Variants in AP2A2 observed in about 807,000 individuals in gnomAD.
AP2A2 encodes the protein adaptor related protein complex 2 subunit alpha 2.
Under a neutral mutation model 104.2 loss-of-function variants are expected in AP2A2, and 32 were observed. The ratio of observed to expected loss-of-function variants is 0.31; its 90% CI spans 0.23 to 0.41. The LOEUF (loss-of-function observed/expected upper bound fraction) is 0.41, where lower values mean the gene tolerates loss of function less well. Ranked by LOEUF, AP2A2 falls within the 10% of genes least tolerant of loss-of-function variation. The probability of loss-of-function intolerance (pLI) is 1.00; values close to 1 mark genes in which losing one functional copy is unlikely to be tolerated. For synonymous variants in AP2A2, 539 were observed against 533.3 expected (o/e 1.01, Z -0.15); for missense variants, 912 against 1,261.0 (o/e 0.72, Z 4.19).
At chr11:954,811 G>C (rs1369339044) in intron 1 of AP2A2, among the ~76,000 whole-genome samples, 2 of 152,140 alleles carry the variant, frequency 1.3e-5, no homozygotes, top group Admixed American at 6.6e-5. Context: ...ACTTGTCTCT[G>C]TTTCTGTCCC....
At chr11:981,943 G>A (rs555604002) in intron 6 of AP2A2, among the ~76,000 whole-genome samples, 275 of 152,402 alleles carry the variant, frequency 1.8e-3, no homozygotes, top group African/African-American at 6.3e-3. Context: ...TTCCCCTGCC[G>A]TGCACACGGC....
chr11:1,008,291 G>A (rs528782431), intron 18 of AP2A2, 156 bp downstream of exon 18: 104 of 1,164,834 alleles, frequency 8.9e-5, no homozygotes, highest in South Asian at 2.5e-4. Context: ...TGCTGCCCCC[G>A]GCTCTGCAGA....
chr11:954,412 G>A (rs1854160570), intron 1 of AP2A2, among the ~76,000 whole-genome samples: 1 of 152,000 alleles, frequency 6.6e-6, no homozygotes, highest in Admixed American at 6.5e-5. Flanking sequence ...GTGTATTTGT[G>A]TGTGTGTATG....
At chr11:955,630 G>A (rs756519318) in intron 1 of AP2A2, among the ~76,000 whole-genome samples, 1 of 152,214 alleles carries the variant, frequency 6.6e-6, no homozygotes, top group Non-Finnish European at 1.5e-5. Flanking sequence ...TGCTTGGGTC[G>A]GGGAGCCGCC....
intron 8 of AP2A2, 109 bp downstream of exon 8, chr11:985,691 C>G (rs527794140): frequency 8.9e-6 from 13 of 1,458,022 alleles, no homozygotes; most frequent in Non-Finnish European, 1.1e-5. Context: ...CCATGGGCCT[C>G]CCCTTCGTCC....
chr11:955,588 A>T (rs994981643), intron 1 of AP2A2, among the ~76,000 whole-genome samples: 2 of 152,206 alleles, frequency 1.3e-5, no homozygotes, highest in African/African-American at 4.8e-5. Context: ...CCCTGAGGGC[A>T]GAAGCTGTTG....
At chr11:947,729 C>T (rs1003632436) in intron 1 of AP2A2, among the ~76,000 whole-genome samples, 5 of 151,986 alleles carry the variant, frequency 3.3e-5, no homozygotes, top group Non-Finnish European at 5.9e-5. Flanking sequence ...TTTGGGAGAC[C>T]AAGGTGGGAG....
chr11:1,004,124 G>T (rs1290674384), intron 16 of AP2A2, among the ~76,000 whole-genome samples: 1 of 152,128 alleles, frequency 6.6e-6, no homozygotes, highest in African/African-American at 2.4e-5. Flanking sequence ...CACGAGGGAA[G>T]TGCCAATCAA....
chr11:939,130 A>G (rs1853561114), intron 1 of AP2A2, among the ~76,000 whole-genome samples: 1 of 151,476 alleles, frequency 6.6e-6, no homozygotes, highest in Admixed American at 6.6e-5. Flanking sequence ...GGGCACCTGT[A>G]ATCCCAGCTA....
At chr11:978,886 C>T (rs760451288) in intron 5 of AP2A2, among the ~76,000 whole-genome samples, 15 of 152,090 alleles carry the variant, frequency 9.9e-5, no homozygotes, top group Non-Finnish European at 1.9e-4. Flanking sequence ...GGCCTGCGCC[C>T]GGAGTTGGGT....
chr11:988,854 C>A, intron 10 of AP2A2, 165 bp downstream of exon 10: 2 of 982,558 alleles, frequency 2.0e-6, no homozygotes, highest in Non-Finnish European at 3.0e-6. Context: ...CATTTTCAAG[C>A]TGGGTGTGGT....
chr11:954,713 T>C (rs2096362937), intron 1 of AP2A2, among the ~76,000 whole-genome samples: 1 of 141,250 alleles, frequency 7.1e-6, no homozygotes, highest in Admixed American at 7.9e-5. Flanking sequence ...TGTGTGCATG[T>C]GTGTATTTGG....
intron 1 of AP2A2, among the ~76,000 whole-genome samples, chr11:932,078 C>T (rs962990848): frequency 7.2e-5 from 11 of 152,102 alleles, no homozygotes; most frequent in Non-Finnish European, 2.9e-5. Flanking sequence ...TCTTGTGCCT[C>T]AGTCTCCCGA....
chr11:974,698 A>AG (rs768859817), intron 4 of AP2A2, among the ~76,000 whole-genome samples: 17 of 137,144 alleles, frequency 1.2e-4, no homozygotes, highest in African/African-American at 2.7e-4. Flanking sequence ...AAAAAAAAAA[A>AG]AAAGAAAGCT....
At chr11:1,009,033 T>C (rs1467683554) in intron 18 of AP2A2, 67 bp from the exon 19 acceptor site, 6 of 1,361,570 alleles carry the variant, frequency 4.4e-6, no homozygotes, top group Non-Finnish European at 5.1e-6. Context: ...TCCAGGCTCT[T>C]TCCCGGTCCC....
At chr11:936,808 G>A (rs1853472847) in intron 1 of AP2A2, among the ~76,000 whole-genome samples, 1 of 152,164 alleles carries the variant, frequency 6.6e-6, no homozygotes, top group African/African-American at 2.4e-5. Flanking sequence ...TGGGAACAGT[G>A]TGATTCCTAC....
intron 1 of AP2A2, among the ~76,000 whole-genome samples, chr11:945,749 A>C (rs1216924864): frequency 6.6e-6 from 1 of 152,192 alleles, no homozygotes; most frequent in African/African-American, 2.4e-5. Flanking sequence ...TCAGGAGTTC[A>C]AGACCAGTGT....
intron 5 of AP2A2, among the ~76,000 whole-genome samples, chr11:979,320 C>G (rs1156752629): frequency 6.6e-6 from 1 of 151,378 alleles, no homozygotes; most frequent in African/African-American, 2.4e-5. Context: ...TACAGACCTG[C>G]AGTTTCTTAC....
rs905478526 is a variant in AP2A2, at chr11:1,000,570, G to A, written c.2095G>A (p.Ala699Thr). The A allele has an allele frequency of 6.5e-6, 10 of 1,549,626 alleles. No homozygotes were observed. The African/African-American group carries it at 1.1e-4, about 17-fold the overall frequency. Reference protein sequence around the residue: ...SDSASVVAPLAPGSEDNFARF... With the variant: ...SDSASVVAPLTPGSEDNFARF... The stretch of plus-strand genomic sequence containing the variant: ...CTCGGCCTCTGTGGTCGCGCCTCTC[G>A]CTCCTGGCTCCGAAGACAACTTTGC... Residue 699 changes from alanine to threonine, a missense_variant, in exon 15 of 22, where the codon GCT (alanine) becomes ACT (threonine). Physicochemically the swap from Ala to Thr is moderately conservative, Grantham distance 58 (BLOSUM62 0). Coordinates refer to ENST00000448903, the MANE Select transcript of AP2A2 (RefSeq NM_012305.4).
Sources: gnomAD v4.1 joint callset for allele counts (sites outside exome capture counted in the v4.1 genomes callset) on GRCh38, gnomAD v4.1.1 for gene constraint, MANE v1.5 for transcripts, NCBI Gene and HGNC (gene_info 2026-07-23, HGNC 2026-07-21) for gene names.